HLCS: variants seen among roughly 807,000 people sequenced by gnomAD.
HLCS encodes the protein biotin--protein ligase.
A neutral mutation model predicts 75.0 loss-of-function variants in HLCS; 53 were observed. That is an observed-to-expected ratio of 0.71 (90% CI 0.57 to 0.89). The LOEUF (loss-of-function observed/expected upper bound fraction) is 0.89, where lower values mean the gene tolerates loss of function less well. HLCS is among the 40% of genes least tolerant of loss of function. The pLI is 0.00. For synonymous variants in HLCS, 431 were observed against 428.6 expected (o/e 1.01, Z -0.07); for missense variants, 966 against 1,074.0 (o/e 0.90, Z 1.41).
At chr21:36,759,467 G>C (rs2089738673) in intron 9 of HLCS, among the ~76,000 whole-genome samples, 2 of 152,310 alleles carry the variant, frequency 1.3e-5, no homozygotes, top group Middle Eastern at 3.4e-3. Flanking sequence ...ATGAGTAGCA[G>C]GAGTGTGGAA....
At chr21:36,969,595 T>C (rs2068729785), upstream of HLCS, 1 of 151,914 alleles carries the variant, frequency 6.6e-6, no homozygotes, top group African/African-American at 2.4e-5. Context: ...TTTTTTTTTT[T>C]TTTAGATGAA....
intron 6 of HLCS, among the ~76,000 whole-genome samples, chr21:36,788,272 C>A (rs1010458061): frequency 6.6e-6 from 1 of 152,188 alleles, no homozygotes; most frequent in African/African-American, 2.4e-5. Flanking sequence ...ACATGCTGTG[C>A]CGAGCTCATG....
chr21:36,875,803 G>C (rs932138443), intron 6 of HLCS, among the ~76,000 whole-genome samples: 4 of 152,040 alleles, frequency 2.6e-5, no homozygotes, highest in Non-Finnish European at 4.4e-5. Context: ...CAGGGGCAAC[G>C]TCCCCCTGCT....
intron 5 of HLCS, among the ~76,000 whole-genome samples, chr21:36,902,601 A>T (rs1442868635): frequency 6.6e-6 from 1 of 152,238 alleles, no homozygotes; most frequent in Non-Finnish European, 1.5e-5. Context: ...AAGTCATCTT[A>T]TGATTGCTTC....
chr21:36,969,949 ACTGAAGACCACCT>A (rs1396653619), upstream of HLCS, among the ~76,000 whole-genome samples: 1 of 152,196 alleles, frequency 6.6e-6, no homozygotes, highest in Non-Finnish European at 1.5e-5. Flanking sequence ...CCAGCTAGCC[ACTGAAGACCACCT>A]CTGAAACCCA....
chr21:36,924,211 T>TA (rs1379211717), intron 5 of HLCS, among the ~76,000 whole-genome samples: 1 of 152,202 alleles, frequency 6.6e-6, no homozygotes, highest in Non-Finnish European at 1.5e-5. Context: ...AGTACTATGT[T>TA]AAAAAATGGC....
chr21:36,870,166 C>T (rs1286290539), intron 6 of HLCS, among the ~76,000 whole-genome samples: 1 of 152,176 alleles, frequency 6.6e-6, no homozygotes, highest in Non-Finnish European at 1.5e-5. Context: ...CGCCCCAGTA[C>T]TGCTATTAGG....
intron 5 of HLCS, among the ~76,000 whole-genome samples, chr21:36,925,163 G>A (rs1442209490): frequency 6.6e-6 from 1 of 152,162 alleles, no homozygotes; most frequent in Non-Finnish European, 1.5e-5. Flanking sequence ...TTTTAAGTAC[G>A]TATTACCCAT....
intron 1 of HLCS, among the ~76,000 whole-genome samples, chr21:36,988,346 A>C (rs553776729): frequency 1.6e-4 from 25 of 152,294 alleles, no homozygotes; most frequent in Non-Finnish European, 2.8e-4. Flanking sequence ...TTCACTTCCT[A>C]GTACTGTATA....
intron 6 of HLCS, among the ~76,000 whole-genome samples, chr21:36,839,263 T>C (rs2062532886): frequency 6.6e-6 from 1 of 152,188 alleles, no homozygotes; most frequent in Non-Finnish European, 1.5e-5. Context: ...CTTCTCCGTG[T>C]TGGTTTAGTG....
chr21:36,978,328 T>G (rs1044969025), intron 1 of HLCS, among the ~76,000 whole-genome samples: 4 of 151,858 alleles, frequency 2.6e-5, no homozygotes, highest in African/African-American at 9.7e-5. Context: ...AAACCCCATC[T>G]CTACTAAAAA....
intron 5 of HLCS, among the ~76,000 whole-genome samples, chr21:36,920,915 C>A (rs890550911): frequency 1.1e-4 from 17 of 152,068 alleles, no homozygotes; most frequent in Non-Finnish European, 8.8e-5. Flanking sequence ...TATCCCCCCA[C>A]CCCCAAATTA....
intron 6 of HLCS, among the ~76,000 whole-genome samples, chr21:36,781,784 T>G (rs916020639): frequency 6.6e-6 from 1 of 152,178 alleles, no homozygotes; most frequent in African/African-American, 2.4e-5. Flanking sequence ...TTGCCATGTT[T>G]CTTAGTGTTT....
At chr21:36,950,511 C>G (rs200067625) in intron 2 of HLCS, among the ~76,000 whole-genome samples, 1 of 151,918 alleles carries the variant, frequency 6.6e-6, no homozygotes, top group East Asian at 1.9e-4. Flanking sequence ...GCTTTGTCAC[C>G]CAGCCTAGAG....
chr21:36,925,884 T>A (rs2066384127), intron 5 of HLCS, among the ~76,000 whole-genome samples: 1 of 152,262 alleles, frequency 6.6e-6, no homozygotes, highest in Admixed American at 6.5e-5. Flanking sequence ...AAATAAAATC[T>A]ATTAAAATGT....
At chr21:36,867,825 C>T (rs1479479613) in intron 6 of HLCS, among the ~76,000 whole-genome samples, 2 of 152,154 alleles carry the variant, frequency 1.3e-5, no homozygotes, top group African/African-American at 4.8e-5. Flanking sequence ...AATCTTTTAT[C>T]CCAACATAGA....
At chr21:36,969,082 C>A (rs2068716248), upstream of HLCS, among the ~76,000 whole-genome samples, 1 of 152,118 alleles carries the variant, frequency 6.6e-6, no homozygotes, top group Admixed American at 6.5e-5. Context: ...TTGAAGAGTA[C>A]TGATACCATT....
chr21:36,922,022 T>C (rs568966051), intron 5 of HLCS, among the ~76,000 whole-genome samples: 42 of 152,322 alleles, frequency 2.8e-4, no homozygotes, highest in African/African-American at 9.9e-4. Context: ...TATGCATATA[T>C]ATTATCATAA....
chr21:36,952,604 C>T (rs1016409504), intron 2 of HLCS, among the ~76,000 whole-genome samples: 3 of 152,046 alleles, frequency 2.0e-5, no homozygotes, highest in East Asian at 1.9e-4. Context: ...CCATCCTGGC[C>T]AACATGGTGA....
Sources: allele counts gnomAD v4.1 joint callset (sites outside exome capture counted in the v4.1 genomes callset), GRCh38; gene constraint gnomAD v4.1.1; transcripts MANE v1.5; gene names NCBI Gene and HGNC (gene_info 2026-07-23, HGNC 2026-07-21).